NDST1: variants seen among roughly 807,000 people sequenced by gnomAD.
The protein encoded by NDST1 is bifunctional heparan sulfate N-deacetylase/N-sulfotransferase 1.
In NDST1, 35 loss-of-function variants were observed where a neutral mutation model predicts 92.8. That is an observed-to-expected ratio of 0.38 (90% confidence interval 0.29 to 0.50). The LOEUF is 0.50. Among genes scored for constraint, NDST1 ranks in the 20% least tolerant of loss-of-function variants. The pLI is 0.94. For missense variants in NDST1, 822 were observed against 1,182.7 expected, an observed-to-expected ratio of 0.69 and a Z score of 4.47; for synonymous variants, 493 against 500.3, an observed-to-expected ratio of 0.99 and a Z score of 0.19.
At chr5:150,546,515 A>T (rs567657708) in intron 11 of NDST1, among the ~76,000 whole-genome samples, 2 of 152,182 alleles carry the variant, frequency 1.3e-5, no homozygotes, top group South Asian at 4.1e-4. Context: ...GGTCCTGAGC[A>T]TCCTCGTTAA....
upstream of NDST1, among the ~76,000 whole-genome samples, chr5:150,506,695 T>A (rs533253409): frequency 4.5e-4 from 68 of 152,082 alleles, no homozygotes; most frequent in Non-Finnish European, 7.5e-4. Context: ...CTCCCCACCT[T>A]CTGCCCCCTC....
intron 1 of NDST1, among the ~76,000 whole-genome samples, chr5:150,517,850 T>C (rs1246893027): frequency 6.6e-6 from 1 of 152,212 alleles, no homozygotes; most frequent in Non-Finnish European, 1.5e-5. Context: ...TGGTGGCTGC[T>C]CTCCTCCGCT....
Position 150,539,363 on chromosome 5 carries a change from G to T in NDST1, c.1566+7G>T. ...CACCGTGCTCCTCAATCCTGTGAGT[G>T]CTCCACAGCCCATGGCTGCTGGTGA... On this transcript the variant is annotated splice_region_variant and intron_variant, in intron 7 of 14. Transcript: ENST00000261797. The T allele has an allele frequency of 6.2e-7, 1 of 1,613,960 alleles. No homozygotes were observed. The highest frequency in any genetic ancestry group is 1.1e-5 in the South Asian group (1 of 91,076).
At chr5:150,523,537 A>T (rs1284203164) in intron 2 of NDST1, among the ~76,000 whole-genome samples, 1 of 152,198 alleles carries the variant, frequency 6.6e-6, no homozygotes, top group African/African-American at 2.4e-5. Context: ...TACGCCTCTG[A>T]TGAGTATAGG....
In NDST1 at chr5:150,540,238, T is replaced by C. The variant is rs1755181133; in HGVS notation, c.1723T>C (p.Ser575Pro). 4.3e-6 allele frequency: 7 copies of C among 1,611,180 alleles called. No individual in the cohort carries two copies. In the South Asian group the frequency reaches 6.6e-5, roughly 15 times the overall value. The part of the protein sequence containing the change: ...QLAQKYFQIF[S>P]EEKDPLWQDP... ...GGCGCAGAAGTACTTCCAGATCTTC[T>C]CCGAGGAGAAGGACCCGCTCTGGCA... is the stretch of plus-strand genomic sequence containing the variant. Residue 575 changes from serine (S) to proline (P), a missense_variant, in exon 8 of 15, where the codon TCC becomes CCC. By Grantham distance (74) the Ser-to-Pro change is moderately conservative. Transcript: ENST00000261797.
rs754297456 is a variant in NDST1 at position 150,535,857 on chromosome 5, G to A, written c.1409G>A (p.Arg470His). 2 of 1,613,826 alleles carry A rather than the reference G, an allele frequency of 1.2e-6. No individual in the cohort carries two copies. Among genetic ancestry groups the A allele is most frequent in the East Asian group, 2.2e-5 (1 of 44,862 alleles). Residue 470 changes from arginine to histidine, a missense_variant, in exon 6 of 15, where the codon CGC becomes CAC. Physicochemically the swap from Arg to His is conservative, Grantham distance 29 (BLOSUM62 0). Coordinates refer to ENST00000261797, the MANE Select transcript of NDST1 (RefSeq NM_001543.5). ...CCCCACCTGAAGCCAGCCCGCTACC[G>A]CCGTGGCTTCATCCACAATGGCATC... ...EYPHLKPARY[R>H]RGFIHNGIMV...
chr5:150,521,254 G>C lies in NDST1; in HGVS notation c.-1G>C. On this transcript the variant is annotated 5_prime_UTR_variant, in exon 2 of 15. Coordinates refer to ENST00000261797, the MANE Select transcript of NDST1 (RefSeq NM_001543.5). This position sits in a 1 kb window ranked among gnomAD's most constrained non-coding sequence, Gnocchi z 5.9. ...CGGTGGCCAAGGTCTCGGAGGCCAGGATGCCTGCCCTGGCATGCCTCCGGA... is the reference window on the plus strand; with the variant it reads ...CGGTGGCCAAGGTCTCGGAGGCCAGCATGCCTGCCCTGGCATGCCTCCGGA... The C allele has an allele frequency of 6.2e-7, 1 of 1,605,506 alleles. No homozygotes were observed. The highest frequency in any genetic ancestry group is 1.1e-5 in the South Asian group (1 of 91,036).
At chr5:150,539,175 A>C in intron 6 of NDST1, 53 bp from the exon 7 acceptor site, 5 of 1,431,012 alleles carry the variant, frequency 3.5e-6, no homozygotes, top group Non-Finnish European at 4.9e-6. Context: ...GAGTCCTCCC[A>C]CCACCCTCAT....
In NDST1 at chr5:150,521,980, C is replaced by T. The variant is rs991355106; in HGVS notation, c.513+213C>T. On this transcript the variant is annotated intron_variant, in intron 2 of 14. Coordinates refer to ENST00000261797, the MANE Select transcript of NDST1 (RefSeq NM_001543.5). The surrounding 1 kb of genome is among the most constrained non-coding windows in gnomAD (Gnocchi z 5.9). ...TATTAGGGGAGCGTGCCAGGGGGAT[C>T]GCCTGCTGTGCGTGGGGTCCAGCAC... Among the ~76,000 whole-genome samples the T allele has an allele frequency of 3.3e-5, 5 of 152,138 alleles. No homozygotes were observed. The highest frequency in any genetic ancestry group is 7.4e-5 in the Non-Finnish European group (5 of 68,026).
intron 1 of NDST1, among the ~76,000 whole-genome samples, chr5:150,515,585 C>T (rs57539378): frequency 0.031 from 4,676 of 152,138 alleles, 383 homozygotes; most frequent in Admixed American, 0.17. Context: ...CCAAGGGGTC[C>T]GGGGAGGCAT....
At chr5:150,519,694 AAAGT>A (rs1311281215) in intron 1 of NDST1, among the ~76,000 whole-genome samples, 3 of 152,096 alleles carry the variant, frequency 2.0e-5, no homozygotes, top group Admixed American at 6.5e-5. Context: ...TCAAAAAAAA[AAAGT>A]AAGAAGAAAA....
upstream of NDST1, among the ~76,000 whole-genome samples, chr5:150,507,220 G>A (rs1753497796): frequency 6.6e-6 from 1 of 152,154 alleles, no homozygotes; most frequent in Non-Finnish European, 1.5e-5. Flanking sequence ...GAGGAGCCTG[G>A]AAAGCCAGCC....
intron 2 of NDST1, among the ~76,000 whole-genome samples, chr5:150,526,068 A>G (rs947844098): frequency 1.3e-5 from 2 of 152,054 alleles, no homozygotes; most frequent in Non-Finnish European, 2.9e-5. Flanking sequence ...TTCCTTGGTC[A>G]TGCTGAGGCC....
At chr5:150,550,160 G>T (rs1432098560) in intron 13 of NDST1, among the ~76,000 whole-genome samples, 1 of 150,876 alleles carries the variant, frequency 6.6e-6, no homozygotes, top group African/African-American at 2.4e-5. Flanking sequence ...GAGTGCAGTG[G>T]TGTGATTTTG....
Position 150,521,461 on chromosome 5 carries a change from A to G in NDST1, c.207A>G (p.Pro69=), listed in dbSNP as rs1222647232. ...PPPVAPSRLL[P]LKPVQAATPS... ...CTGTGGCCCCCAGTCGCCTGCTGCC[A>G]CTCAAGCCTGTGCAGGCAGCCACCC... The change falls in exon 2 of 15, where the codon CCA becomes CCG. Residue 69 remains proline (P), a synonymous_variant. Coordinates refer to ENST00000261797, the MANE Select transcript of NDST1 (RefSeq NM_001543.5). The surrounding 1 kb of genome is among the most constrained non-coding windows in gnomAD (Gnocchi z 5.9). 2 of 1,613,500 alleles carry G rather than the reference A, an allele frequency of 1.2e-6. No individual in the cohort carries two copies. The highest frequency in any genetic ancestry group is 8.5e-7 in the Non-Finnish European group (1 of 1,179,938).
rs766373255 is a variant in NDST1, at chr5:150,521,860, C to A, written c.513+93C>A. 75 of 1,537,402 alleles carry A rather than the reference C, an allele frequency of 4.9e-5. No homozygotes were observed. The highest frequency in any genetic ancestry group is 6.5e-5 in the Non-Finnish European group (73 of 1,126,132). The stretch of plus-strand genomic sequence containing the variant: ...TTGTGAAATAGGTGTAATGGTAGCA[C>A]CCGCCTCCTGGGGTTGTTGGGAGGG... On this transcript the variant is annotated intron_variant, in intron 2 of 14. Transcript: ENST00000261797. This position sits in a 1 kb window ranked among gnomAD's most constrained non-coding sequence, Gnocchi z 5.9.
chr5:150,502,687 T>C (rs965770622), intron 1 of NDST1, among the ~76,000 whole-genome samples: 13 of 152,158 alleles, frequency 8.5e-5, no homozygotes, highest in Admixed American at 8.5e-4. Context: ...CTCCCTCTGC[T>C]TTTCTCTTCC....
chr5:150,508,471 C>T (rs1753569206), intron 1 of NDST1, among the ~76,000 whole-genome samples: 1 of 152,082 alleles, frequency 6.6e-6, no homozygotes, highest in Non-Finnish European at 1.5e-5. Context: ...GCTGACCTGG[C>T]AGATTCCTGA....
chr5:150,534,251 T>C (rs994107138), intron 4 of NDST1, among the ~76,000 whole-genome samples: 1 of 151,844 alleles, frequency 6.6e-6, no homozygotes, highest in African/African-American at 2.4e-5. Flanking sequence ...TGCATGCCAC[T>C]ATGCCTGGCT....
Sources: gnomAD v4.1 joint callset for allele counts (sites outside exome capture counted in the v4.1 genomes callset) on GRCh38, gnomAD v4.1.1 for gene constraint, Gnocchi (gnomAD v3.1) non-coding constraint, MANE v1.5 for transcripts, NCBI Gene and HGNC (gene_info 2026-07-23, HGNC 2026-07-21) for gene names.